The following KLHL22 variants were observed in gnomAD, a reference collection of about 807,000 sequenced individuals.
The protein encoded by KLHL22 is kelch-like protein 22.
A neutral mutation model predicts 60.7 loss-of-function variants in KLHL22; 18 were observed. The observed-to-expected ratio is 0.30, with a 90% CI of 0.20 to 0.44. The LOEUF is 0.44. Among genes scored for constraint, KLHL22 ranks in the 20% least tolerant of loss-of-function variants. The probability of loss-of-function intolerance (pLI) is 1.00; values close to 1 mark genes in which losing one functional copy is unlikely to be tolerated. For missense variants in KLHL22, 596 were observed against 852.3 expected (o/e 0.70, Z 3.74); for synonymous variants, 355 against 354.5 (o/e 1.00, Z -0.01).
intron 5 of KLHL22, chr22:20,450,557 G>T: frequency 6.2e-7 from 1 of 1,613,198 alleles, no homozygotes; most frequent in Non-Finnish European, 8.5e-7. Context: ...ACCCACAATT[G>T]TGTTGACCTG....
rs1452792302 is a variant in KLHL22, at chr22:20,457,991, T to TG, written c.1121dup (p.Arg375ThrfsTer34). 6.2e-7 allele frequency: 1 copy of TG among 1,614,080 alleles called. No homozygotes were observed. Among genetic ancestry groups the TG allele is most frequent in the Non-Finnish European group, 8.5e-7 (1 of 1,180,004 alleles). ...GGATCTGGAACCAGCGGTTGTGCCG[T>TG]GGGTCATACCTGTGCCGAGACATGA... is the stretch of plus-strand genomic sequence containing the variant. On this transcript the variant is annotated frameshift_variant, in exon 5 of 7. Coordinates refer to ENST00000328879, the MANE Select transcript of KLHL22 (RefSeq NM_032775.4). LOFTEE classifies it high-confidence loss of function.
chr22:20,486,856 T>G (rs1310138879), intron 2 of KLHL22, among the ~76,000 whole-genome samples: 1 of 151,376 alleles, frequency 6.6e-6, no homozygotes, highest in Non-Finnish European at 1.5e-5. Context: ...TAATTTTGTA[T>G]TTTTAGTAGA....
intron 2 of KLHL22, among the ~76,000 whole-genome samples, chr22:20,480,446 G>A (rs1989455343): frequency 6.6e-6 from 1 of 152,080 alleles, no homozygotes. Flanking sequence ...AGCACAGAGA[G>A]TGAGGGCCAT....
At chr22:20,443,436 G>A (rs2052797629) in intron 6 of KLHL22, among the ~76,000 whole-genome samples, 1 of 152,152 alleles carries the variant, frequency 6.6e-6, no homozygotes, top group African/African-American at 2.4e-5. Flanking sequence ...AATTGCATGA[G>A]CCCTTAAAAG....
chr22:20,459,998 G>T (rs1569129380), intron 4 of KLHL22, among the ~76,000 whole-genome samples: 1 of 152,108 alleles, frequency 6.6e-6, no homozygotes, highest in Non-Finnish European at 1.5e-5. Context: ...CAGGGTCTGA[G>T]ACCTGCATGA....
intron 5 of KLHL22, among the ~76,000 whole-genome samples, chr22:20,453,865 G>A (rs1329834038): frequency 6.6e-6 from 1 of 152,048 alleles, no homozygotes; most frequent in Non-Finnish European, 1.5e-5. Flanking sequence ...CTCCCCAGTA[G>A]CTGGGATTAC....
chr22:20,488,650 C>G, intron 2 of KLHL22: 8 of 261,762 alleles, frequency 3.1e-5, no homozygotes, highest in Non-Finnish European at 4.9e-5. Flanking sequence ...GCATACACAG[C>G]AATAATTACT....
intron 1 of KLHL22, chr22:20,489,958 G>A (rs2053656193): frequency 2.7e-6 from 1 of 366,594 alleles, no homozygotes; most frequent in Non-Finnish European, 5.5e-6. Context: ...AATTGAGTCA[G>A]TACGTTCAAA....
intron 2 of KLHL22, among the ~76,000 whole-genome samples, chr22:20,480,763 A>T (rs919466121): frequency 6.6e-6 from 1 of 151,938 alleles, no homozygotes; most frequent in African/African-American, 2.4e-5. Context: ...TAAAAAATAT[A>T]ATTAGCCTCG....
chr22:20,477,755 C>T (rs1386280897), intron 2 of KLHL22, among the ~76,000 whole-genome samples: 1 of 152,156 alleles, frequency 6.6e-6, no homozygotes, highest in Non-Finnish European at 1.5e-5. Flanking sequence ...ATTTCTTTTT[C>T]ATTTTTATGT....
At chr22:20,442,547 G>A in intron 6 of KLHL22, 109 bp from the exon 7 acceptor site, 1 of 1,346,700 alleles carries the variant, frequency 7.4e-7, no homozygotes, top group Non-Finnish European at 9.9e-7. Flanking sequence ...ATTCTGACAG[G>A]TCAGGCCCCC....
At chr22:20,467,264 A>T (rs2146225179) in intron 3 of KLHL22, among the ~76,000 whole-genome samples, 1 of 152,336 alleles carries the variant, frequency 6.6e-6, no homozygotes, top group South Asian at 2.1e-4. Flanking sequence ...TACCCAAAAC[A>T]CTGAAGGAAA....
intron 2 of KLHL22, among the ~76,000 whole-genome samples, chr22:20,473,141 G>A (rs1034095688): frequency 6.6e-6 from 1 of 152,232 alleles, no homozygotes; most frequent in African/African-American, 2.4e-5. Context: ...CTCAGGTGCT[G>A]GAGGAGGAGC....
At chr22:20,472,934 T>C (rs1222170779) in intron 2 of KLHL22, among the ~76,000 whole-genome samples, 4 of 151,698 alleles carry the variant, frequency 2.6e-5, no homozygotes, top group Admixed American at 2.6e-4. Context: ...GTGTACAAGT[T>C]CTGGGGCAAG....
Position 20,441,894 on chromosome 22 carries a change from T to C in KLHL22, c.*179A>G. 2 of 541,704 alleles carry C rather than the reference T, an allele frequency of 3.7e-6. No homozygotes were observed. Among genetic ancestry groups the C allele is most frequent in the Non-Finnish European group, 6.1e-6 (2 of 327,084 alleles). 33.6% of individuals were successfully genotyped at this position (541,704 alleles called of 1,614,324 possible). ...CCACAGCCTGGGATCTGCATGGCCC[T>C]GAGATGCCTGCGGCAGGCTGGCCAA... is the stretch of plus-strand genomic sequence containing the variant. On this transcript the variant is annotated 3_prime_UTR_variant, in exon 7 of 7. Transcript: ENST00000328879.
At chr22:20,482,856 CT>C in intron 2 of KLHL22, 1 of 1,257,156 alleles carries the variant, frequency 8.0e-7, no homozygotes, top group Non-Finnish European at 1.1e-6. Flanking sequence ...TCAGACACCA[CT>C]TTGCCATCCA....
At chr22:20,480,515 A>G (rs2053481081) in intron 2 of KLHL22, among the ~76,000 whole-genome samples, 1 of 152,186 alleles carries the variant, frequency 6.6e-6, no homozygotes, top group Non-Finnish European at 1.5e-5. Flanking sequence ...GCAAACCAGT[A>G]TGCTGCCTCT....
rs1040779799 is a variant in KLHL22, at chr22:20,441,863, C to T, written c.*210G>A. On this transcript the variant is annotated 3_prime_UTR_variant, in exon 7 of 7. Transcript: ENST00000328879. ...CTTTCAGAAGCAGTTCCTGCAGTGA[C>T]GTAATCCACAGCCTGGGATCTGCAT... 19 of 436,848 alleles carry T rather than the reference C, an allele frequency of 4.3e-5. 1 individual carries two copies. The Middle Eastern group carries it at 1.7e-3, about 40-fold the overall frequency. 27.1% of individuals were successfully genotyped at this position (436,848 alleles called of 1,614,324 possible).
rs745715565 is a variant in KLHL22, at chr22:20,471,342, T to C, written c.393+8A>G. 3.7e-6 allele frequency: 6 copies of C among 1,612,754 alleles called. No homozygotes were observed. Among genetic ancestry groups the C allele is most frequent in the African/African-American group, 1.3e-5 (1 of 74,916 alleles). Reference sequence around the variant, plus strand: ...TGGGTCTGCCTTGCTAGATGAGACATGCCTCACCTGAAGCTGGCAGGCAGC... The same window carrying C: ...TGGGTCTGCCTTGCTAGATGAGACACGCCTCACCTGAAGCTGGCAGGCAGC... On this transcript the variant is annotated splice_region_variant and intron_variant, in intron 3 of 6. Transcript: ENST00000328879.
Sources: allele counts gnomAD v4.1 joint callset (sites outside exome capture counted in the v4.1 genomes callset), GRCh38; gene constraint gnomAD v4.1.1; transcripts MANE v1.5; gene names NCBI Gene and HGNC (gene_info 2026-07-23, HGNC 2026-07-21).